Variants in HIP1 observed in about 807,000 individuals in gnomAD.
The protein encoded by HIP1 is huntingtin-interacting protein 1.
HIP1 carries 65 observed loss-of-function variants against 147.6 expected under a neutral mutation model. The observed-to-expected ratio is 0.44, with a 90% confidence interval of 0.36 to 0.54. HIP1 has a LOEUF of 0.54. Ranked by LOEUF, HIP1 falls within the 20% of genes least tolerant of loss-of-function variation. HIP1 has a pLI of 0.00. For synonymous variants in HIP1, 479 were observed against 504.0 expected, an observed-to-expected ratio of 0.95 and a Z score of 0.67; for missense variants, 1,061 against 1,299.6, an observed-to-expected ratio of 0.82 and a Z score of 2.82.
At chr7:75,581,024 G>C (rs1376433542) in intron 7 of HIP1, among the ~76,000 whole-genome samples, 2 of 152,136 alleles carry the variant, frequency 1.3e-5, no homozygotes, top group African/African-American at 2.4e-5. Flanking sequence ...TTACAGGTGC[G>C]AGCCACTGCA....
intron 1 of HIP1, among the ~76,000 whole-genome samples, chr7:75,703,566 C>T (rs1359560560): frequency 6.6e-6 from 1 of 151,604 alleles, no homozygotes; most frequent in Non-Finnish European, 1.5e-5. Flanking sequence ...TTGCTTGAAC[C>T]TGGGAGGCGG....
At chr7:75,578,295 C>T (rs587597770) in intron 7 of HIP1, among the ~76,000 whole-genome samples, 24 of 152,270 alleles carry the variant, frequency 1.6e-4, no homozygotes, top group African/African-American at 4.8e-4. Context: ...TTGTGTCAGC[C>T]GAACTGCAAC....
rs2116692210 is a variant in HIP1 at position 75,533,435 on chromosome 7, C to G, written c.*4737G>C. ...TGGCCACCTGCCCTGGGAAGGTAGG[C>G]ACTCAGTGAAAAATGAAATTCATTT... is the stretch of plus-strand genomic sequence containing the variant. On this transcript the variant is annotated 3_prime_UTR_variant, in exon 31 of 31. Coordinates refer to ENST00000336926, the MANE Select transcript of HIP1 (RefSeq NM_005338.7). 4.3e-6 allele frequency: 1 copy of G among 231,696 alleles called. No individual in the cohort carries two copies. Among genetic ancestry groups the G allele is most frequent in the African/African-American group, 2.2e-5 (1 of 45,330 alleles). The allele number at this position is 231,696 out of a possible 1,614,324, so 14.4% of individuals were successfully genotyped here. A position where few individuals can be genotyped will look rare whatever the true frequency, so the allele number is the denominator to read the frequency against.
chr7:75,732,912 A>G lies in HIP1; in HGVS notation c.120+5889T>C, dbSNP rs530040379. Among the ~76,000 whole-genome samples the G allele has an allele frequency of 2.6e-4, 39 of 152,228 alleles. 1 individual carries two copies. Among genetic ancestry groups the G allele is most frequent in the South Asian group, 8.3e-4 (4 of 4,830 alleles). ...GGGGCCTGACCACATCAGAGCCCCAAGGCTTGTCCAGGAGCCCCGCAGTGG... is the reference window on the plus strand; with the variant it reads ...GGGGCCTGACCACATCAGAGCCCCAGGGCTTGTCCAGGAGCCCCGCAGTGG... On this transcript the variant is annotated intron_variant, in intron 1 of 30. Coordinates refer to ENST00000336926, the MANE Select transcript of HIP1 (RefSeq NM_005338.7).
At chr7:75,701,203 G>C (rs531209100) in intron 1 of HIP1, among the ~76,000 whole-genome samples, 1 of 152,180 alleles carries the variant, frequency 6.6e-6, no homozygotes, top group Admixed American at 6.5e-5. Flanking sequence ...AGACCAGCCT[G>C]GCCAACATGA....
chr7:75,738,115 A>G (rs1802084564), intron 1 of HIP1, among the ~76,000 whole-genome samples: 1 of 152,220 alleles, frequency 6.6e-6, no homozygotes, highest in South Asian at 2.1e-4. Flanking sequence ...CTTGGGGGAT[A>G]AAACCAAGAC....
chr7:75,590,975 C>T (rs782197336), intron 4 of HIP1, among the ~76,000 whole-genome samples: 1 of 151,792 alleles, frequency 6.6e-6, no homozygotes, highest in African/African-American at 2.4e-5. Context: ...TGCAAAAAGG[C>T]TAAAGTAGTA....
intron 1 of HIP1, among the ~76,000 whole-genome samples, chr7:75,675,182 C>T (rs1175220570): frequency 2.6e-5 from 4 of 151,928 alleles, no homozygotes; most frequent in African/African-American, 9.7e-5. Flanking sequence ...ATTCCTCTTT[C>T]ATCTTCTCAA....
intron 1 of HIP1, among the ~76,000 whole-genome samples, chr7:75,611,340 G>A (rs1440529325): frequency 6.6e-6 from 1 of 151,830 alleles, no homozygotes; most frequent in African/African-American, 2.4e-5. Flanking sequence ...GGTGGTGCGT[G>A]CCTGTAGTCC....
intron 8 of HIP1, among the ~76,000 whole-genome samples, chr7:75,570,331 A>G (rs1391487243): frequency 7.5e-5 from 10 of 133,026 alleles, no homozygotes; most frequent in Non-Finnish European, 1.6e-4. Context: ...TCGCTCTGTC[A>G]CCCAGGCTGG....
intron 1 of HIP1, among the ~76,000 whole-genome samples, chr7:75,723,195 A>G (rs1372548983): frequency 6.6e-6 from 1 of 152,086 alleles, no homozygotes; most frequent in East Asian, 1.9e-4. Context: ...GTGACACCCC[A>G]TCCCATCTCT....
At chr7:75,576,050 G>C (rs139429154) in intron 7 of HIP1, among the ~76,000 whole-genome samples, 1 of 152,112 alleles carries the variant, frequency 6.6e-6, no homozygotes, top group African/African-American at 2.4e-5. Flanking sequence ...CAGGAACCAC[G>C]GGCTGTTCCA....
intron 1 of HIP1, 141 bp from the exon 2 acceptor site, chr7:75,599,388 G>T: frequency 1.5e-6 from 1 of 665,472 alleles, no homozygotes; most frequent in East Asian, 2.7e-5. Context: ...TTCCTCTGCA[G>T]GCGCCCAGCT....
intron 1 of HIP1, chr7:75,611,974 T>C: frequency 1.1e-5 from 7 of 665,270 alleles, no homozygotes; most frequent in Non-Finnish European, 1.3e-5. Flanking sequence ...GCCTTGCTTG[T>C]GTGGGGAGCT....
chr7:75,599,896 C>A (rs1431275356), intron 1 of HIP1, among the ~76,000 whole-genome samples: 6 of 146,210 alleles, frequency 4.1e-5, no homozygotes, highest in African/African-American at 1.5e-4. Context: ...AGTGCAGTGG[C>A]CCGATCTTGG....
intron 1 of HIP1, among the ~76,000 whole-genome samples, chr7:75,701,246 T>G (rs782704495): frequency 1.4e-4 from 21 of 151,966 alleles, no homozygotes; most frequent in Non-Finnish European, 3.1e-4. Flanking sequence ...ATACAAAATT[T>G]AGCCAAGTGT....
intron 18 of HIP1, 143 bp from the exon 19 acceptor site, chr7:75,555,694 G>T: frequency 1.1e-6 from 1 of 900,362 alleles, no homozygotes; most frequent in South Asian, 1.7e-5. Context: ...AGAGAAAGGC[G>T]CTTTAACTGT....
chr7:75,673,351 T>C (rs2705830), intron 1 of HIP1, among the ~76,000 whole-genome samples: 85,252 of 151,232 alleles, frequency 0.56, 24,455 homozygotes, highest in African/African-American at 0.66. Context: ...ACTGTTTTGC[T>C]TATTTGGGAT....
intron 1 of HIP1, among the ~76,000 whole-genome samples, chr7:75,686,258 TC>T (rs1315151273): frequency 2.0e-5 from 3 of 152,228 alleles, no homozygotes; most frequent in African/African-American, 7.2e-5. Context: ...ATCAACATCT[TC>T]CTTTATTTAT....
Sources: gnomAD v4.1 joint callset for allele counts (sites outside exome capture counted in the v4.1 genomes callset) on GRCh38, gnomAD v4.1.1 for gene constraint, MANE v1.5 for transcripts, NCBI Gene and HGNC (gene_info 2026-07-23, HGNC 2026-07-21) for gene names.